MAP4K4: variants seen among roughly 807,000 people sequenced by gnomAD.
MAP4K4 encodes mitogen-activated protein kinase kinase kinase kinase 4, also known as HPK/GCK-like kinase HGK.
In MAP4K4, 38 loss-of-function variants were observed where a neutral mutation model predicts 189.6. The ratio of observed to expected loss-of-function variants is 0.20; its 90% CI spans 0.15 to 0.26. The LOEUF is 0.26. MAP4K4 is among the 10% of genes least tolerant of loss of function. MAP4K4 has a pLI of 1.00. For missense variants in MAP4K4, 1,054 were observed against 1,726.9 expected, an observed-to-expected ratio of 0.61 and a Z score of 6.91; for synonymous variants, 610 against 624.3, an observed-to-expected ratio of 0.98 and a Z score of 0.34.
At chr2:101,791,035 G>C (rs1286723424) in intron 3 of MAP4K4, among the ~76,000 whole-genome samples, 1 of 152,130 alleles carries the variant, frequency 6.6e-6, no homozygotes, top group Non-Finnish European at 1.5e-5. Flanking sequence ...CCTTGGCAAC[G>C]TAATGGGACA....
intron 3 of MAP4K4, among the ~76,000 whole-genome samples, chr2:101,801,918 A>G (rs1419968270): frequency 2.6e-5 from 4 of 152,166 alleles, no homozygotes. Flanking sequence ...CTCAGGCCCA[A>G]AAAGATTTTG....
At position 101,882,547 on chromosome 2, in the gene MAP4K4, C is replaced by G. The variant is rs752543164; in HGVS notation, c.3386-4C>G. ...ATGTAAAATATTTATATTTATTTTG[C>G]TAGGCAAAAAGGATAAGTTACGTGT... On this transcript the variant is annotated splice_polypyrimidine_tract_variant and splice_region_variant and intron_variant, in intron 27 of 32. Transcript: ENST00000324219. 6.4e-7 allele frequency: 1 copy of G among 1,572,818 alleles called. No homozygotes were observed. Among genetic ancestry groups the G allele is most frequent in the Non-Finnish European group, 8.6e-7 (1 of 1,164,838 alleles).
At chr2:101,798,756 G>A (rs994747948) in intron 3 of MAP4K4, among the ~76,000 whole-genome samples, 7 of 152,108 alleles carry the variant, frequency 4.6e-5, no homozygotes, top group South Asian at 4.1e-4. Context: ...CATGAGTTCC[G>A]TGCACTTGGA....
chr2:101,715,300 C>A (rs1048747027), intron 2 of MAP4K4, among the ~76,000 whole-genome samples: 1 of 152,146 alleles, frequency 6.6e-6, no homozygotes, highest in African/African-American at 2.4e-5. Flanking sequence ...TCAGTCACTT[C>A]TTCAAAAGGC....
chr2:101,825,704 T>C (rs1299894670), intron 5 of MAP4K4, among the ~76,000 whole-genome samples: 1 of 152,184 alleles, frequency 6.6e-6, no homozygotes, highest in Non-Finnish European at 1.5e-5. Flanking sequence ...AGCTTTCCTT[T>C]GAGTTAAAAG....
At position 101,881,037 on chromosome 2, in the gene MAP4K4, C is replaced by G. The variant is rs563917602; in HGVS notation, c.3386-1514C>G. ...TAACTTGGGATTTTGATTAGAATTG[C>G]ATTGACTCTGTGGATCAAGTTGGAA... On this transcript the variant is annotated intron_variant, in intron 27 of 32. Coordinates refer to ENST00000324219, the Ensembl canonical transcript of MAP4K4. 2.0e-5 allele frequency among the ~76,000 whole-genome samples: 3 copies of G among 152,242 alleles called. No homozygotes were observed. The South Asian group carries it at 6.2e-4, about 32-fold the overall frequency.
intron 2 of MAP4K4, among the ~76,000 whole-genome samples, chr2:101,701,703 C>T (rs1186504100): frequency 3.9e-5 from 6 of 152,034 alleles, no homozygotes; most frequent in Non-Finnish European, 1.5e-5. Context: ...TTTTGAGAGA[C>T]GGATACTCAT....
At chr2:101,799,773 T>A (rs2094188058) in intron 3 of MAP4K4, among the ~76,000 whole-genome samples, 1 of 152,078 alleles carries the variant, frequency 6.6e-6, no homozygotes, top group African/African-American at 2.4e-5. Flanking sequence ...AGCTAATTTT[T>A]AAAATTTTTC....
At chr2:101,867,357 A>G (rs558847392) in intron 20 of MAP4K4, 48 bp downstream of exon 20, 64 of 1,388,328 alleles carry the variant, frequency 4.6e-5, no homozygotes, top group Non-Finnish European at 6.4e-5. Flanking sequence ...CTTGAATGAG[A>G]TCTTTCTATT....
chr2:101,832,172 A>T (rs893229895), intron 7 of MAP4K4, among the ~76,000 whole-genome samples: 3 of 152,224 alleles, frequency 2.0e-5, no homozygotes, highest in African/African-American at 7.2e-5. Flanking sequence ...TCAAATATTT[A>T]TTCTTTTAAA....
At chr2:101,863,714 G>A (rs1397147389) in intron 16 of MAP4K4, 107 bp from the exon 17 acceptor site, 6 of 612,648 alleles carry the variant, frequency 9.8e-6, no homozygotes, top group East Asian at 5.4e-5. Flanking sequence ...GTACCACCCC[G>A]GTGTGTATTC....
At chr2:101,829,850 G>C in intron 6 of MAP4K4, 1 of 347,076 alleles carries the variant, frequency 2.9e-6, no homozygotes, top group Admixed American at 4.2e-5. Flanking sequence ...CCACTTTCCT[G>C]CTTAAAGAAC....
intron 16 of MAP4K4, 125 bp from the exon 17 acceptor site, chr2:101,863,696 C>A (rs187928941): frequency 8.0e-5 from 42 of 526,306 alleles, no homozygotes; most frequent in South Asian, 6.5e-4. Flanking sequence ...CGTGGCTGAC[C>A]TAACACTGTA....
chr2:101,870,120 G>A (rs909796656), intron 22 of MAP4K4, 175 bp from the exon 23 acceptor site: 1 of 672,286 alleles, frequency 1.5e-6, no homozygotes, highest in African/African-American at 1.8e-5. Context: ...GAAACAAATG[G>A]CACTGGAAAG....
intron 2 of MAP4K4, among the ~76,000 whole-genome samples, chr2:101,764,187 T>C (rs1032025450): frequency 2.6e-5 from 4 of 152,182 alleles, no homozygotes; most frequent in Admixed American, 1.3e-4. Flanking sequence ...GTGATATGCG[T>C]AAGGGTCTAG....
At chr2:101,805,072 C>CAAAA (rs36081384) in intron 3 of MAP4K4, among the ~76,000 whole-genome samples, 31 of 56,402 alleles carry the variant, frequency 5.5e-4, no homozygotes, top group Non-Finnish European at 7.6e-4. Context: ...GACTCCAGAT[C>CAAAA]AAAAAAAAAA....
chr2:101,707,428 C>A (rs988052135), intron 2 of MAP4K4, among the ~76,000 whole-genome samples: 2 of 151,976 alleles, frequency 1.3e-5, no homozygotes, highest in African/African-American at 4.8e-5. Flanking sequence ...AGGCTGTTAT[C>A]GAACTCCTGA....
chr2:101,769,121 C>A (rs1289011051), intron 2 of MAP4K4, among the ~76,000 whole-genome samples: 1 of 152,160 alleles, frequency 6.6e-6, no homozygotes, highest in Non-Finnish European at 1.5e-5. Flanking sequence ...TATATCACTT[C>A]CTGGAAATAA....
At chr2:101,814,981 G>T (rs756608568) in intron 3 of MAP4K4, among the ~76,000 whole-genome samples, 3 of 152,176 alleles carry the variant, frequency 2.0e-5, no homozygotes, top group Non-Finnish European at 4.4e-5. Context: ...ACTAGCCATT[G>T]GCCTTGCCCT....
Sources: gnomAD v4.1 joint callset for allele counts (sites outside exome capture counted in the v4.1 genomes callset) on GRCh38, gnomAD v4.1.1 for gene constraint, MANE v1.5 for transcripts, NCBI Gene and HGNC (gene_info 2026-07-23, HGNC 2026-07-21) for gene names.